The following GOLGA1 variants were observed in gnomAD, a reference collection of about 807,000 sequenced individuals.
The protein encoded by GOLGA1 is golgin A1.
In GOLGA1, 63 loss-of-function variants were observed where a neutral mutation model predicts 119.7. The ratio of observed to expected loss-of-function variants is 0.53; its 90% CI spans 0.43 to 0.65. The LOEUF is 0.65. Ranked by LOEUF, GOLGA1 falls within the 30% of genes least tolerant of loss-of-function variation. GOLGA1 has a pLI of 0.00. For missense variants in GOLGA1, 798 were observed against 912.8 expected (o/e 0.87, Z 1.62); for synonymous variants, 318 against 333.4 (o/e 0.95, Z 0.50).
chr9:124,925,649 G>C (rs1830658615), intron 7 of GOLGA1, among the ~76,000 whole-genome samples: 3 of 152,054 alleles, frequency 2.0e-5, no homozygotes, highest in Admixed American at 6.5e-5. Flanking sequence ...AGCCCAGGAG[G>C]TTGAGGCTGC....
At chr9:124,924,973 G>C (rs901697213) in intron 7 of GOLGA1, among the ~76,000 whole-genome samples, 1 of 151,910 alleles carries the variant, frequency 6.6e-6, no homozygotes. Context: ...CCAGCTACTT[G>C]GGAGGCTGAG....
intron 7 of GOLGA1, among the ~76,000 whole-genome samples, chr9:124,925,161 C>T (rs976315516): frequency 1.3e-5 from 2 of 151,942 alleles, no homozygotes; most frequent in Non-Finnish European, 2.9e-5. Context: ...CTTTGTGAAC[C>T]TTGTGAACCT....
chr9:124,933,316 G>T (rs1236293627), intron 3 of GOLGA1, among the ~76,000 whole-genome samples: 1 of 152,210 alleles, frequency 6.6e-6, no homozygotes, highest in East Asian at 1.9e-4. Context: ...TTTTGGGAGG[G>T]TTCCCATCAT....
intron 10 of GOLGA1, among the ~76,000 whole-genome samples, chr9:124,913,774 C>T (rs1429786451): frequency 6.6e-6 from 1 of 152,148 alleles, no homozygotes; most frequent in Non-Finnish European, 1.5e-5. Flanking sequence ...AACTGTGCTT[C>T]AACAGAGGGA....
chr9:124,908,425 C>T lies in GOLGA1; in HGVS notation c.1017G>A (p.Leu339=). The T allele has an allele frequency of 1.2e-6, 2 of 1,612,104 alleles. No individual in the cohort carries two copies. Among genetic ancestry groups the T allele is most frequent in the African/African-American group, 1.3e-5 (1 of 74,990 alleles). Residue 339 remains leucine, a synonymous_variant, in exon 12 of 23, where the codon TTG becomes TTA. Transcript: ENST00000373555. The stretch of plus-strand genomic sequence containing the variant: ...CCTTAGCCTGGCTGCTTCTGGCTGC[C>T]AAGAGCTGTTGTCTGGTATCCTCCA... The part of the protein sequence containing the change: ...QNLEDTRQQL[L]AARSSQAKAI...
chr9:124,905,158 T>C (rs892882676), intron 12 of GOLGA1, among the ~76,000 whole-genome samples: 1 of 146,686 alleles, frequency 6.8e-6, no homozygotes, highest in African/African-American at 2.5e-5. Flanking sequence ...AAAATAATAA[T>C]AATAAAATAA....
intron 3 of GOLGA1, among the ~76,000 whole-genome samples, chr9:124,937,086 C>T (rs1830887641): frequency 6.6e-6 from 1 of 152,086 alleles, no homozygotes; most frequent in Non-Finnish European, 1.5e-5. Flanking sequence ...GATAGATTTA[C>T]TTTATGCTTT....
chr9:124,947,666 CAG>C (rs1230217812), intron 1 of GOLGA1: 4 of 152,040 alleles, frequency 2.6e-5, no homozygotes, highest in African/African-American at 7.2e-5. Flanking sequence ...AAAGTATACA[CAG>C]AGATTGCATG....
intron 12 of GOLGA1, among the ~76,000 whole-genome samples, chr9:124,902,282 T>C (rs1452608553): frequency 6.6e-6 from 1 of 151,418 alleles, no homozygotes; most frequent in Non-Finnish European, 1.5e-5. Flanking sequence ...CAGCTAATTT[T>C]TTCTATTTTT....
intron 12 of GOLGA1, among the ~76,000 whole-genome samples, chr9:124,904,892 C>A (rs922076066): frequency 7.0e-6 from 1 of 143,198 alleles, no homozygotes; most frequent in Non-Finnish European, 1.5e-5. Flanking sequence ...AGCAGTGAGC[C>A]AAGATTGCAC....
At chr9:124,906,629 G>C (rs1200110797) in intron 12 of GOLGA1, among the ~76,000 whole-genome samples, 1 of 151,952 alleles carries the variant, frequency 6.6e-6, no homozygotes, top group African/African-American at 2.4e-5. Context: ...CTGGACACCT[G>C]TAATCCCAGC....
chr9:124,939,142 G>T (rs1034884711), intron 2 of GOLGA1, among the ~76,000 whole-genome samples: 8 of 145,232 alleles, frequency 5.5e-5, no homozygotes, highest in Non-Finnish European at 1.1e-4. Flanking sequence ...AAATCTCTAC[G>T]TTTTTTTTTT....
Position 124,894,420 on chromosome 9 carries a change from T to C in GOLGA1, c.1408-3942A>G, listed in dbSNP as rs1466523649. ...TGTGTGTGTGTGTGTGTGTTTGAAA[T>C]AGGTTCTTGCTCTGTCATCCAGGCT... On this transcript the variant is annotated intron_variant, in intron 15 of 22. Transcript: ENST00000373555. Among the ~76,000 whole-genome samples the C allele has an allele frequency of 2.6e-5, 4 of 151,738 alleles. No individual in the cohort carries two copies. The East Asian group carries it at 7.8e-4, about 29-fold the overall frequency.
At chr9:124,931,785 G>A (rs1482333820) in intron 3 of GOLGA1, among the ~76,000 whole-genome samples, 2 of 152,066 alleles carry the variant, frequency 1.3e-5, no homozygotes, top group Non-Finnish European at 2.9e-5. Flanking sequence ...ATCAAAAGCT[G>A]GTCTATGACT....
Position 124,902,541 on chromosome 9 carries a change from C to A in GOLGA1, c.1066-1994G>T, listed in dbSNP as rs867360891. Among the ~76,000 whole-genome samples, 5 of 151,954 alleles carry A rather than the reference C, an allele frequency of 3.3e-5. No individual in the cohort carries two copies. In the Middle Eastern group the frequency reaches 0.014, roughly 413 times the overall value. On this transcript the variant is annotated intron_variant, in intron 12 of 22. Coordinates refer to ENST00000373555, the MANE Select transcript of GOLGA1 (RefSeq NM_002077.4). ...TTGCTCTGTCGCCCAGGCTTGAGTG[C>A]AGTGGCGCGATCTCGGCTCACTGAA... is the stretch of plus-strand genomic sequence containing the variant.
chr9:124,921,280 T>A (rs1425424995), intron 9 of GOLGA1, 40 bp from the exon 10 acceptor site: 13 of 1,133,718 alleles, frequency 1.1e-5, no homozygotes, highest in Non-Finnish European at 1.7e-5. Flanking sequence ...AATTTGGATA[T>A]CTCATCTAAT....
rs188750707 is a variant in GOLGA1, at chr9:124,881,983, C to T, written c.1966-29G>A. The T allele has an allele frequency of 3.5e-5, 55 of 1,552,730 alleles. No homozygotes were observed. The East Asian group carries it at 1.2e-3, about 34-fold the overall frequency. On this transcript the variant is annotated intron_variant, in intron 20 of 22. Transcript: ENST00000373555. The surrounding 1 kb of genome is among the most constrained non-coding windows in gnomAD (Gnocchi z 4.9). ...AAAAACCAGTGGGAAAGATGCTACA[C>T]CGAACCCTCTGAGACAGGTGGAAAA... is the stretch of plus-strand genomic sequence containing the variant.
At chr9:124,910,687 A>G (rs899010194) in intron 11 of GOLGA1, among the ~76,000 whole-genome samples, 7 of 152,318 alleles carry the variant, frequency 4.6e-5, no homozygotes, top group Admixed American at 3.9e-4. Flanking sequence ...CAGGCCGCAC[A>G]GCAGGAGGTG....
At chr9:124,923,628 G>A (rs141663913) in intron 7 of GOLGA1, among the ~76,000 whole-genome samples, 8 of 151,760 alleles carry the variant, frequency 5.3e-5, no homozygotes, top group Admixed American at 5.2e-4. Context: ...GTGAAAAAGG[G>A]GAATAAAAGC....
Sources: gnomAD v4.1 joint callset for allele counts (sites outside exome capture counted in the v4.1 genomes callset) on GRCh38, gnomAD v4.1.1 for gene constraint, Gnocchi (gnomAD v3.1) non-coding constraint, MANE v1.5 for transcripts, NCBI Gene and HGNC (gene_info 2026-07-23, HGNC 2026-07-21) for gene names.